The following SETBP1 variants were observed in gnomAD, a reference collection of about 807,000 sequenced individuals.
The protein encoded by SETBP1 is SET binding protein 1.
A neutral mutation model predicts 101.0 loss-of-function variants in SETBP1; 9 were observed. That is an observed-to-expected ratio of 0.09 (90% CI 0.05 to 0.16). The LOEUF (loss-of-function observed/expected upper bound fraction) is 0.16. SETBP1 is among the 10% of genes least tolerant of loss of function. The pLI, the probability that SETBP1 is intolerant of heterozygous loss-of-function variation, is 1.00. For missense variants in SETBP1, 1,858 were observed against 2,033.8 expected, an observed-to-expected ratio of 0.91 and a Z score of 1.66; for synonymous variants, 818 against 788.5, an observed-to-expected ratio of 1.04 and a Z score of -0.63.
chr18:44,805,498 A>G (rs1275648556), intron 2 of SETBP1, among the ~76,000 whole-genome samples: 1 of 151,954 alleles, frequency 6.6e-6, no homozygotes, highest in Admixed American at 6.6e-5. Context: ...ATTCAATTCT[A>G]TGCTCAAATC....
chr18:44,779,958 G>A (rs958521595), intron 2 of SETBP1, among the ~76,000 whole-genome samples: 13 of 150,748 alleles, frequency 8.6e-5, no homozygotes, highest in Non-Finnish European at 1.5e-4. Context: ...ACGCACACAC[G>A]CATGCACACA....
At chr18:45,035,563 G>A (rs2073379720) in intron 4 of SETBP1, among the ~76,000 whole-genome samples, 1 of 152,194 alleles carries the variant, frequency 6.6e-6, no homozygotes, top group South Asian at 2.1e-4. Context: ...GCATAAAAAT[G>A]GGTACAATTA....
At chr18:44,727,921 A>G (rs2069751284) in intron 2 of SETBP1, among the ~76,000 whole-genome samples, 1 of 152,136 alleles carries the variant, frequency 6.6e-6, no homozygotes, top group Admixed American at 6.5e-5. Flanking sequence ...TCAGAACCCA[A>G]ATTAAACCCA....
At chr18:45,039,669 C>T (rs554089256) in intron 5 of SETBP1, among the ~76,000 whole-genome samples, 1 of 152,188 alleles carries the variant, frequency 6.6e-6, no homozygotes, top group African/African-American at 2.4e-5. Flanking sequence ...GTAAATGTGG[C>T]AAGCACATTG....
chr18:45,058,965 C>T (rs1349729432), intron 5 of SETBP1, among the ~76,000 whole-genome samples: 2 of 152,112 alleles, frequency 1.3e-5, no homozygotes, highest in Non-Finnish European at 1.5e-5. Context: ...TCCTCTTATC[C>T]TTCAAAAAAT....
chr18:44,694,233 C>G (rs2068978552), intron 1 of SETBP1, among the ~76,000 whole-genome samples: 1 of 152,172 alleles, frequency 6.6e-6, no homozygotes, highest in South Asian at 2.1e-4. Flanking sequence ...AACACTCCCA[C>G]CATGGCTGAG....
chr18:44,882,080 G>A (rs894617382), intron 3 of SETBP1, among the ~76,000 whole-genome samples: 2 of 152,004 alleles, frequency 1.3e-5, no homozygotes, highest in Non-Finnish European at 1.5e-5. Context: ...GAATCATTTG[G>A]TGGAATGTCA....
At chr18:44,684,159 T>C (rs2068800603) in intron 1 of SETBP1, among the ~76,000 whole-genome samples, 1 of 152,182 alleles carries the variant, frequency 6.6e-6, no homozygotes, top group Non-Finnish European at 1.5e-5. Flanking sequence ...TCCATTCCTA[T>C]CCTGTGGCAT....
intron 2 of SETBP1, among the ~76,000 whole-genome samples, chr18:44,849,689 AGAG>A (rs2072806508): frequency 6.6e-6 from 1 of 151,922 alleles, no homozygotes; most frequent in Non-Finnish European, 1.5e-5. Flanking sequence ...AGAGAGAGAG[AGAG>A]AGGAGTTCAG....
At chr18:45,045,239 T>C (rs1295313859) in intron 5 of SETBP1, among the ~76,000 whole-genome samples, 1 of 152,176 alleles carries the variant, frequency 6.6e-6, no homozygotes, top group African/African-American at 2.4e-5. Context: ...CTGGCCAAGA[T>C]GGAGAAACCC....
At chr18:44,867,873 G>A (rs2144671412) in intron 2 of SETBP1, among the ~76,000 whole-genome samples, 1 of 152,306 alleles carries the variant, frequency 6.6e-6, no homozygotes, top group African/African-American at 2.4e-5. Flanking sequence ...CTGAAGGCTG[G>A]AGGCCCTGGG....
chr18:44,878,037 G>C lies in SETBP1; in HGVS notation c.540+8754G>C, dbSNP rs145932785. On this transcript the variant is annotated intron_variant, in intron 3 of 5. Coordinates refer to ENST00000649279, the MANE Select transcript of SETBP1 (RefSeq NM_015559.3). ...ATTGATAGATGACAGGTGGGTGTTG[G>C]GGGGTAGGTGGTTATTCTTATGCAG... 2.7e-3 allele frequency among the ~76,000 whole-genome samples: 418 copies of C among 152,258 alleles called. 2 individuals carry two copies. Among genetic ancestry groups the C allele is most frequent in the Non-Finnish European group, 4.2e-3 (285 of 68,014 alleles).
chr18:45,039,864 C>G lies in SETBP1; in HGVS notation c.4171+1209C>G, dbSNP rs1199679259. The stretch of plus-strand genomic sequence containing the variant: ...CCAGTTGAAATAACAGAAAGAAACA[C>G]TTGGAATGACACTTCCCCAATTGAA... On this transcript the variant is annotated intron_variant, in intron 5 of 5. Transcript: ENST00000649279. 2.0e-5 allele frequency among the ~76,000 whole-genome samples: 3 copies of G among 152,212 alleles called. No individual in the cohort carries two copies. In the East Asian group the frequency reaches 5.8e-4, roughly 29 times the overall value.
chr18:44,883,902 A>T (rs1430153261), intron 3 of SETBP1, among the ~76,000 whole-genome samples: 1 of 152,182 alleles, frequency 6.6e-6, no homozygotes, highest in Non-Finnish European at 1.5e-5. Flanking sequence ...AGTGTGTATT[A>T]TGTACCGATG....
chr18:44,736,128 T>C (rs1452302171), intron 2 of SETBP1, among the ~76,000 whole-genome samples: 1 of 152,134 alleles, frequency 6.6e-6, no homozygotes, highest in Non-Finnish European at 1.5e-5. Flanking sequence ...CTCATGCCTG[T>C]AATCCCAGCA....
chr18:44,927,164 A>G lies in SETBP1; in HGVS notation c.541-22717A>G, dbSNP rs945282484. ...ACGTCCTTCACAACTAAGATTTCATATATTTACAAAAGCACCATGTCTCGT... is the reference window on the plus strand; with the variant it reads ...ACGTCCTTCACAACTAAGATTTCATGTATTTACAAAAGCACCATGTCTCGT... On this transcript the variant is annotated intron_variant, in intron 3 of 5. Coordinates refer to ENST00000649279, the MANE Select transcript of SETBP1 (RefSeq NM_015559.3). 2.6e-5 allele frequency among the ~76,000 whole-genome samples: 4 copies of G among 152,292 alleles called. No individual in the cohort carries two copies. In the East Asian group the frequency reaches 7.7e-4, roughly 29 times the overall value.
chr18:44,879,789 T>A (rs978299192), intron 3 of SETBP1, among the ~76,000 whole-genome samples: 6 of 152,160 alleles, frequency 3.9e-5, no homozygotes, highest in African/African-American at 1.4e-4. Flanking sequence ...TAGGGGCCAT[T>A]TGACCAGGAG....
chr18:44,945,982 A>G (rs947071492), intron 3 of SETBP1, among the ~76,000 whole-genome samples: 12 of 152,212 alleles, frequency 7.9e-5, no homozygotes, highest in African/African-American at 2.9e-4. Flanking sequence ...AGCAAAGGAC[A>G]TATTGGAAAT....
intron 4 of SETBP1, among the ~76,000 whole-genome samples, chr18:44,978,176 A>T (rs1226938815): frequency 2.0e-5 from 3 of 152,212 alleles, no homozygotes; most frequent in African/African-American, 7.2e-5. Flanking sequence ...GACAGTCACA[A>T]TTGATGACAT....
Sources: allele counts gnomAD v4.1 joint callset (sites outside exome capture counted in the v4.1 genomes callset), GRCh38; gene constraint gnomAD v4.1.1; transcripts MANE v1.5; gene names NCBI Gene and HGNC (gene_info 2026-07-23, HGNC 2026-07-21).